Variants in MSRA observed in about 807,000 individuals in gnomAD.
The protein encoded by MSRA is methionine sulfoxide reductase A.
In MSRA, 54 loss-of-function variants were observed where a neutral mutation model predicts 31.3. The observed-to-expected ratio is 1.73, with a 90% confidence interval of 1.39 to 2.17. MSRA has a LOEUF of 2.17. Ranked by LOEUF, MSRA falls within the 30% of genes most tolerant of loss-of-function variation. MSRA has a pLI of 0.00. For missense variants in MSRA, 507 were observed against 300.9 expected (o/e 1.69, Z -5.07); for synonymous variants, 169 against 116.5 (o/e 1.45, Z -2.90).
intron 1 of MSRA, among the ~76,000 whole-genome samples, chr8:10,149,703 T>G (rs1361432033): frequency 1.3e-5 from 2 of 151,754 alleles, no homozygotes; most frequent in African/African-American, 4.8e-5. Flanking sequence ...GAGTTCTCTT[T>G]AGAAAATAAA....
rs189685691 is a variant in MSRA, at chr8:10,276,987, T to C, written c.332-24547T>C. 8.0e-4 allele frequency among the ~76,000 whole-genome samples: 122 copies of C among 152,300 alleles called. 3 individuals are homozygous for C. In the South Asian group the frequency reaches 0.017, roughly 21 times the overall value. ...ATGGATTTGATTTTTTTTCTCTGTG[T>C]AATTGAATGTGTATTACCATTAAGA... On this transcript the variant is annotated intron_variant, in intron 3 of 5. Transcript: ENST00000317173.
At chr8:10,357,612 C>T (rs1043033252) in intron 5 of MSRA, among the ~76,000 whole-genome samples, 3 of 152,194 alleles carry the variant, frequency 2.0e-5, no homozygotes, top group Non-Finnish European at 4.4e-5. Flanking sequence ...GGTATAGGCT[C>T]ACGTTGTCTA....
chr8:10,108,790 A>C (rs1223506622), intron 1 of MSRA, among the ~76,000 whole-genome samples: 1 of 149,968 alleles, frequency 6.7e-6, no homozygotes, highest in Non-Finnish European at 1.5e-5. Context: ...TTGGTTGTCA[A>C]ATGAGTTGTT....
chr8:10,325,443 G>C (rs1425435082), intron 5 of MSRA, among the ~76,000 whole-genome samples: 1 of 152,110 alleles, frequency 6.6e-6, no homozygotes, highest in African/African-American at 2.4e-5. Flanking sequence ...GCAGTTTTAA[G>C]TCATGTATAG....
chr8:10,412,704 G>A (rs1808230348), intron 5 of MSRA, among the ~76,000 whole-genome samples: 2 of 152,176 alleles, frequency 1.3e-5, no homozygotes, highest in South Asian at 4.1e-4. Context: ...AAGGCAAATA[G>A]GAACGTTAAA....
chr8:10,256,352 T>C (rs181501471), intron 3 of MSRA, among the ~76,000 whole-genome samples: 50 of 152,310 alleles, frequency 3.3e-4, no homozygotes, highest in African/African-American at 1.2e-3. Flanking sequence ...TGTACCCCAG[T>C]TTGCTTGTCT....
chr8:10,269,872 C>T (rs1016173264), intron 3 of MSRA, among the ~76,000 whole-genome samples: 9 of 152,128 alleles, frequency 5.9e-5, no homozygotes, highest in East Asian at 1.9e-4. Context: ...AGGATGGTCT[C>T]GATCTCCTGA....
chr8:10,077,150 C>T lies in MSRA; in HGVS notation c.142+22492C>T, dbSNP rs778482315. On this transcript the variant is annotated intron_variant, in intron 1 of 5. Coordinates refer to ENST00000317173, the MANE Select transcript of MSRA (RefSeq NM_012331.5). ...CTCAGGAAACCAAGAGAAATGAGAACATCAGGAAGAAATGGATGGTCGGCC... is the reference window on the plus strand; with the variant it reads ...CTCAGGAAACCAAGAGAAATGAGAATATCAGGAAGAAATGGATGGTCGGCC... 7.3e-5 allele frequency among the ~76,000 whole-genome samples: 11 copies of T among 151,492 alleles called. 1 individual carries two copies. The highest frequency in any genetic ancestry group is 1.6e-4 in the Non-Finnish European group (11 of 67,918).
At chr8:10,261,191 G>C (rs1798461932) in intron 3 of MSRA, among the ~76,000 whole-genome samples, 1 of 152,086 alleles carries the variant, frequency 6.6e-6, no homozygotes, top group Non-Finnish European at 1.5e-5. Flanking sequence ...GGTAAAAATG[G>C]ATGAATTGTC....
At chr8:10,218,430 C>T (rs1453800916) in intron 2 of MSRA, among the ~76,000 whole-genome samples, 1 of 152,156 alleles carries the variant, frequency 6.6e-6, no homozygotes, top group Non-Finnish European at 1.5e-5. Context: ...CAGGTGTGAG[C>T]CACTGCGCCC....
chr8:10,241,690 A>G (rs1386738756), intron 2 of MSRA, among the ~76,000 whole-genome samples: 2 of 152,234 alleles, frequency 1.3e-5, no homozygotes, highest in Non-Finnish European at 2.9e-5. Flanking sequence ...ATCAATGCTA[A>G]CTAGACATGA....
In MSRA at chr8:10,113,289, C is replaced by CTTTTTTTTTTTTTTTTTTT. The variant is rs1467440154; in HGVS notation, c.142+58633_142+58634insTTTTTTTTTTTTTTTTTTT. On this transcript the variant is annotated intron_variant, in intron 1 of 5. Transcript: ENST00000317173. ...AGGCATGGCTTTGGTGAAGACAGGT[C>CTTTTTTTTTTTTTTTTTTT]TTCTTTTTTTTTTTTTTTTTTTTTT... Among the ~76,000 whole-genome samples the CTTTTTTTTTTTTTTTTTTT allele has an allele frequency of 9.3e-3, 472 of 50,860 alleles. 16 individuals are homozygous for CTTTTTTTTTTTTTTTTTTT. Among genetic ancestry groups the CTTTTTTTTTTTTTTTTTTT allele is most frequent in the Middle Eastern group, 0.014 (1 of 72 alleles). The allele number at this position is 50,860 out of a possible 152,430, so 33.4% of individuals were successfully genotyped here.
At chr8:10,188,296 G>T (rs187649171) in intron 1 of MSRA, among the ~76,000 whole-genome samples, 19 of 152,196 alleles carry the variant, frequency 1.2e-4, no homozygotes, top group Non-Finnish European at 2.4e-4. Context: ...TCACATTTGT[G>T]GATTTGTGTA....
intron 1 of MSRA, among the ~76,000 whole-genome samples, chr8:10,156,019 C>T (rs913051282): frequency 5.3e-5 from 8 of 152,172 alleles, no homozygotes; most frequent in African/African-American, 1.4e-4. Flanking sequence ...TCAGGTTTGG[C>T]GTCACTAATG....
intron 3 of MSRA, among the ~76,000 whole-genome samples, chr8:10,273,208 A>G (rs1241524862): frequency 2.0e-5 from 3 of 152,240 alleles, no homozygotes; most frequent in African/African-American, 4.8e-5. Flanking sequence ...ATTTAAGTCG[A>G]TTAGCATTTA....
chr8:10,092,010 C>T (rs1217911459), intron 1 of MSRA, among the ~76,000 whole-genome samples: 5 of 151,104 alleles, frequency 3.3e-5, no homozygotes, highest in Non-Finnish European at 7.4e-5. Flanking sequence ...CTTTTCTCCA[C>T]GTTCTTGTCA....
chr8:10,073,474 A>T, intron 1 of MSRA, among the ~76,000 whole-genome samples: 1 of 152,256 alleles, frequency 6.6e-6, no homozygotes, highest in East Asian at 1.9e-4. Context: ...AACCTAAAAT[A>T]TTTATTATCT....
intron 1 of MSRA, among the ~76,000 whole-genome samples, chr8:10,058,585 T>C (rs1267083398): frequency 6.6e-6 from 1 of 152,176 alleles, no homozygotes; most frequent in African/African-American, 2.4e-5. Flanking sequence ...ACCAAATATT[T>C]AAAGAGCAGA....
At chr8:10,238,529 G>C (rs934914274) in intron 2 of MSRA, among the ~76,000 whole-genome samples, 2 of 152,082 alleles carry the variant, frequency 1.3e-5, no homozygotes, top group African/African-American at 2.4e-5. Context: ...AATATTTGTT[G>C]AATAAATGAT....
Sources: gnomAD v4.1 joint callset for allele counts (sites outside exome capture counted in the v4.1 genomes callset) on GRCh38, gnomAD v4.1.1 for gene constraint, MANE v1.5 for transcripts, NCBI Gene and HGNC (gene_info 2026-07-23, HGNC 2026-07-21) for gene names.